Variants in XKR3 observed in about 807,000 individuals in gnomAD.
XKR3 encodes the protein XK-related protein 3.
XKR3 carries 27 observed loss-of-function variants against 40.3 expected under a neutral mutation model. The observed-to-expected ratio is 0.67, with a 90% CI of 0.49 to 0.92. The LOEUF is 0.92. Among genes scored for constraint, XKR3 ranks in the 40% least tolerant of loss-of-function variants. The pLI, the probability that XKR3 is intolerant of heterozygous loss-of-function variation, is 0.00. For missense variants in XKR3, 472 were observed against 537.6 expected (o/e 0.88, Z 1.21); for synonymous variants, 193 against 195.4 (o/e 0.99, Z 0.10).
rs117856581 is a variant in XKR3, at chr22:16,798,037, G to A, written c.589+1734C>T. On this transcript the variant is annotated intron_variant, in intron 3 of 3. Coordinates refer to ENST00000684488, the MANE Select transcript of XKR3 (RefSeq NM_001386955.1). ...AGGTTTTACAATGTCAAAATTAGCT[G>A]GGCATGTTGGCACATGCCTGTAATC... Among the ~76,000 whole-genome samples, 20 of 151,614 alleles carry A rather than the reference G, an allele frequency of 1.3e-4. No homozygotes were observed. The East Asian group carries it at 3.3e-3, about 25-fold the overall frequency.
chr22:16,811,747 G>A (rs1441632771), intron 1 of XKR3, among the ~76,000 whole-genome samples: 2 of 152,110 alleles, frequency 1.3e-5, no homozygotes, highest in South Asian at 2.1e-4. Flanking sequence ...GGTGGCTCAC[G>A]CCTGAAATCC....
rs1465100111 is a variant in XKR3, at chr22:16,791,819, G to C, written c.590-7410C>G. Among the ~76,000 whole-genome samples, 8 of 150,192 alleles carry C rather than the reference G, an allele frequency of 5.3e-5. No homozygotes were observed. The South Asian group carries it at 1.3e-3, about 24-fold the overall frequency. On this transcript the variant is annotated intron_variant, in intron 3 of 3. Transcript: ENST00000684488. Reference sequence around the variant, plus strand: ...AGAGAGAGAGAGAGAGAGAAAGAGAGAGAGAGAGAGAGAGACTGACTCTGA... The same window carrying C: ...AGAGAGAGAGAGAGAGAGAAAGAGACAGAGAGAGAGAGAGACTGACTCTGA...
intron 3 of XKR3, among the ~76,000 whole-genome samples, chr22:16,797,557 C>T (rs1486854033): frequency 2.0e-5 from 3 of 152,062 alleles, no homozygotes; most frequent in Non-Finnish European, 4.4e-5. Context: ...CTTTGGGAGG[C>T]TGAGGCGGGC....
chr22:16,788,923 A>C (rs1280892133), intron 3 of XKR3, among the ~76,000 whole-genome samples: 3 of 152,210 alleles, frequency 2.0e-5, no homozygotes, highest in African/African-American at 7.2e-5. Context: ...TAAAAAAGCC[A>C]TTTGACAAAA....
intron 1 of XKR3, among the ~76,000 whole-genome samples, chr22:16,819,949 T>C (rs1369833928): frequency 2.0e-5 from 3 of 152,090 alleles, no homozygotes; most frequent in East Asian, 1.9e-4. Context: ...GCATGGGAAA[T>C]AAATGCACAA....
chr22:16,783,922 T>G lies in XKR3; in HGVS notation c.1077A>C (p.Ile359=), dbSNP rs771943502. Residue 359 remains isoleucine (I), a synonymous_variant, in exon 4 of 4, where the codon ATA becomes ATC. Coordinates refer to ENST00000684488, the MANE Select transcript of XKR3 (RefSeq NM_001386955.1). ...TCCCTCCAAAGAACCTAAATACCAA[T>G]ATCATTATCACATTTTCTAAAAACT... ...SFQFLENVIM[I]LVFRFFGGKT... is the part of the protein sequence containing the mutation. The G allele has an allele frequency of 3.3e-5, 53 of 1,614,052 alleles. No homozygotes were observed. The highest frequency in any genetic ancestry group is 4.3e-5 in the Non-Finnish European group (51 of 1,180,048).
intron 1 of XKR3, 22 bp from the exon 2 acceptor site, chr22:16,808,105 G>A: frequency 6.5e-7 from 1 of 1,536,804 alleles, no homozygotes; most frequent in Non-Finnish European, 8.8e-7. Flanking sequence ...AAGTCGTCTT[G>A]TCAGTGAATC....
Position 16,815,999 on chromosome 22 carries a change from T to C in XKR3, c.-10-7916A>G, listed in dbSNP as rs1257141039. 2.0e-5 allele frequency among the ~76,000 whole-genome samples: 3 copies of C among 151,980 alleles called. No homozygotes were observed. The East Asian group carries it at 5.8e-4, about 29-fold the overall frequency. ...TAAAATTCTCTTCTGTCTTATACAA[T>C]TGTAGTGGCCTATCTTTTTAAATAA... On this transcript the variant is annotated intron_variant, in intron 1 of 3. Transcript: ENST00000684488.
At position 16,799,810 on chromosome 22, in the gene XKR3, A is replaced by G; in HGVS notation, c.550T>C (p.Tyr184His). 1 of 1,614,148 alleles carries G rather than the reference A, an allele frequency of 6.2e-7. No individual in the cohort carries two copies. Among genetic ancestry groups the G allele is most frequent in the Non-Finnish European group, 8.5e-7 (1 of 1,180,008 alleles). ...GSVPQLILQM[Y>H]ISLTIREWPL... Reference sequence around the variant, plus strand: ...CATTCTCGTATAGTGAGACTGATATACATCTGCAAAATTAATTGTGGAACA... The same window carrying G: ...CATTCTCGTATAGTGAGACTGATATGCATCTGCAAAATTAATTGTGGAACA... Residue 184 changes from tyrosine (Y) to histidine (H), a missense_variant, in exon 3 of 4, where the codon TAT becomes CAT. Transcript: ENST00000684488.
In XKR3 at chr22:16,794,336, A is replaced by AGAAGTG. The variant is rs1200307903; in HGVS notation, c.589+5429_589+5434dup. Among the ~76,000 whole-genome samples, 16 of 152,316 alleles carry AGAAGTG rather than the reference A, an allele frequency of 1.1e-4. No individual in the cohort carries two copies. The East Asian group carries it at 3.1e-3, about 29-fold the overall frequency. ...CACGAAAATATAAATGCAGCTAGAGAGAAGTGGCAGGTCACTTATAGAGAG... is the reference window on the plus strand; with the variant it reads ...CACGAAAATATAAATGCAGCTAGAGAGAAGTGGAAGTGGCAGGTCACTTATAGAGAG... On this transcript the variant is annotated intron_variant, in intron 3 of 3. Transcript: ENST00000684488.
Position 16,793,198 on chromosome 22 carries a change from G to T in XKR3, c.589+6573C>A, listed in dbSNP as rs1173641186. 2.0e-5 allele frequency among the ~76,000 whole-genome samples: 3 copies of T among 152,108 alleles called. No individual in the cohort carries two copies. In the East Asian group the frequency reaches 5.8e-4, roughly 29 times the overall value. The stretch of plus-strand genomic sequence containing the variant: ...CGGTTAATTCTGTATTTTTAGTAGA[G>T]GCAAGGTTTCTCCATGTTGGCCAGG... On this transcript the variant is annotated intron_variant, in intron 3 of 3. Transcript: ENST00000684488.
chr22:16,808,047 ATC>A lies in XKR3; in HGVS notation c.25_26del (p.Asp9Ter). 6.2e-7 allele frequency: 1 copy of A among 1,610,400 alleles called. No homozygotes were observed. Among genetic ancestry groups the A allele is most frequent in the Admixed American group, 1.7e-5 (1 of 59,242 alleles). METVFEEM[D>X]EESTGGVSSS... ...ATGAAACTCCTCCTGTGCTTTCTTC[ATC>A]CATCTCTTCAAACACTGTCTCCATT... On this transcript the variant is annotated frameshift_variant, in exon 2 of 4. Coordinates refer to ENST00000684488, the MANE Select transcript of XKR3 (RefSeq NM_001386955.1). LOFTEE classifies it high-confidence loss of function.
chr22:16,819,910 A>G (rs772050435), intron 1 of XKR3, among the ~76,000 whole-genome samples: 3 of 152,200 alleles, frequency 2.0e-5, no homozygotes, highest in Non-Finnish European at 4.4e-5. Context: ...AACAAAGGGT[A>G]CAAAGACATT....
chr22:16,810,210 T>C (rs542173055), intron 1 of XKR3, among the ~76,000 whole-genome samples: 5 of 152,264 alleles, frequency 3.3e-5, no homozygotes, highest in Non-Finnish European at 5.9e-5. Context: ...GCCCCAAACT[T>C]ATAGGAGTCT....
At position 16,784,269 on chromosome 22, in the gene XKR3, A is replaced by G. The variant is rs2060080011; in HGVS notation, c.730T>C (p.Leu244=). 6.2e-7 allele frequency: 1 copy of G among 1,614,214 alleles called. No individual in the cohort carries two copies. The highest frequency in any genetic ancestry group is 2.2e-5 in the East Asian group (1 of 44,880). The change falls in exon 4 of 4, where the codon TTG becomes CTG. Residue 244 remains leucine, a synonymous_variant. Transcript: ENST00000684488. ...EFFCVVMWRF[L]EVISRVVTLA... ...GTCACTACACGTGAGATAACCTCCA[A>G]AAAACGCCACATCACGACACAGAAG...
At chr22:16,793,157 C>T (rs1325607553) in intron 3 of XKR3, among the ~76,000 whole-genome samples, 1 of 152,240 alleles carries the variant, frequency 6.6e-6, no homozygotes, top group East Asian at 1.9e-4. Context: ...GGATTACAGG[C>T]ATGCTCCACC....
At chr22:16,807,568 A>T (rs556884012) in intron 2 of XKR3, among the ~76,000 whole-genome samples, 171 bp downstream of exon 2, 14 of 152,370 alleles carry the variant, frequency 9.2e-5, no homozygotes, top group Non-Finnish European at 1.6e-4. Context: ...CTTATAACTG[A>T]TGACAATTAA....
At chr22:16,824,216 A>G (rs1275025989) in intron 1 of XKR3, among the ~76,000 whole-genome samples, 1 of 152,178 alleles carries the variant, frequency 6.6e-6, no homozygotes, top group Non-Finnish European at 1.5e-5. Context: ...GAAGAGTACA[A>G]TGAAGTACCC....
chr22:16,821,611 T>A (rs1309310374), intron 1 of XKR3: 2 of 152,046 alleles, frequency 1.3e-5, no homozygotes, highest in Non-Finnish European at 2.9e-5. Flanking sequence ...TTTTACCTTA[T>A]TTTTTCTCGC....
Sources: gnomAD v4.1 joint callset for allele counts (sites outside exome capture counted in the v4.1 genomes callset) on GRCh38, gnomAD v4.1.1 for gene constraint, MANE v1.5 for transcripts, NCBI Gene and HGNC (gene_info 2026-07-23, HGNC 2026-07-21) for gene names.